The following TEKT5 variants were observed in gnomAD, a reference collection of about 807,000 sequenced individuals.
TEKT5 encodes tektin 5.
In TEKT5, 52 loss-of-function variants were observed where a neutral mutation model predicts 48.7. That is an observed-to-expected ratio of 1.07 (90% confidence interval 0.86 to 1.35). TEKT5 has a LOEUF of 1.35. Ranked by LOEUF, TEKT5 falls within the 40% of genes most tolerant of loss-of-function variation. TEKT5 has a pLI of 0.00. For synonymous variants in TEKT5, 318 were observed against 267.6 expected, an observed-to-expected ratio of 1.19 and a Z score of -1.84; for missense variants, 831 against 641.6, an observed-to-expected ratio of 1.30 and a Z score of -3.19.
intron 6 of TEKT5, among the ~76,000 whole-genome samples, chr16:10,629,543 G>A (rs976823556): frequency 2.6e-5 from 4 of 151,610 alleles, no homozygotes; most frequent in African/African-American, 7.3e-5. Flanking sequence ...GAGCCACCAC[G>A]CCTGGCCCTA....
At chr16:10,660,952 T>C (rs1898360464) in intron 5 of TEKT5, among the ~76,000 whole-genome samples, 1 of 152,078 alleles carries the variant, frequency 6.6e-6, no homozygotes, top group Non-Finnish European at 1.5e-5. Context: ...CTGCCCACCC[T>C]GGCCTCCCAA....
chr16:10,691,602 T>G (rs9935808), intron 1 of TEKT5, among the ~76,000 whole-genome samples: 20,121 of 151,868 alleles, frequency 0.13, 1,462 homozygotes, highest in African/African-American at 0.19. Flanking sequence ...TCTAGAGCAA[T>G]AGCGGGGACA....
At chr16:10,663,869 A>G (rs1361830953) in intron 5 of TEKT5, among the ~76,000 whole-genome samples, 1 of 152,226 alleles carries the variant, frequency 6.6e-6, no homozygotes, top group African/African-American at 2.4e-5. Context: ...ATAAATGTTG[A>G]GCAGGTCCTG....
rs779429901 is a variant in TEKT5, at chr16:10,694,717, T to C, written c.157A>G (p.Ser53Gly). The change falls in exon 1 of 7, where the codon AGC (serine) becomes GGC (glycine). Residue 53 changes from serine (S) to glycine (G), a missense_variant. Physicochemically the swap from Ser to Gly is moderately conservative, Grantham distance 56. Transcript: ENST00000283025. Reference protein sequence around the residue: ...GYRYLNSWRPSLFYKIANVQT... With the variant: ...GYRYLNSWRPGLFYKIANVQT... ...ACGTTGGCTATCTTGTAGAAGAGGC[T>C]AGGCCTCCATGAATTGAGGTAGCGG... 3 of 1,614,020 alleles carry C rather than the reference T, an allele frequency of 1.9e-6. No individual in the cohort carries two copies. Among genetic ancestry groups the C allele is most frequent in the East Asian group, 2.2e-5 (1 of 44,880 alleles).
intron 5 of TEKT5, among the ~76,000 whole-genome samples, chr16:10,640,296 C>A (rs970116527): frequency 6.6e-6 from 1 of 152,070 alleles, no homozygotes; most frequent in Admixed American, 6.6e-5. Flanking sequence ...GTGCCTGCCA[C>A]CACACTCAGC....
Position 10,680,806 on chromosome 16 carries a change from C to G in TEKT5, c.863+1187G>C, listed in dbSNP as rs113158636. Among the ~76,000 whole-genome samples the G allele has an allele frequency of 9.5e-4, 122 of 128,640 alleles. 1 individual carries two copies. The highest frequency in any genetic ancestry group is 3.2e-3 in the African/African-American group (108 of 33,864). The allele number at this position is 128,640 out of a possible 152,430, so 84.4% of individuals were successfully genotyped here. A position where few individuals can be genotyped will look rare whatever the true frequency, so the allele number is the denominator to read the frequency against. ...TTCTCACTCATAGGTGGGAACTGAA[C>G]AATGAGAACACATGGACACAGGAAG... On this transcript the variant is annotated intron_variant, in intron 4 of 6. Coordinates refer to ENST00000283025, the MANE Select transcript of TEKT5 (RefSeq NM_144674.2).
chr16:10,659,886 G>A (rs1419085042), intron 5 of TEKT5, among the ~76,000 whole-genome samples: 4 of 152,076 alleles, frequency 2.6e-5, no homozygotes, highest in Non-Finnish European at 4.4e-5. Flanking sequence ...GGTGGTGGTT[G>A]TACAATATTA....
chr16:10,681,370 A>ACTCTCTCTCTCTCTCCCTCTCTCTCT (rs1458051750), intron 4 of TEKT5, among the ~76,000 whole-genome samples: 1 of 147,950 alleles, frequency 6.8e-6, no homozygotes, highest in African/African-American at 2.5e-5. Context: ...TCCAGATTCC[A>ACTCTCTCTCTCTCTCCCTCTCTCTCT]CTCTCTGTCT....
At chr16:10,665,880 G>A (rs1336267976) in intron 5 of TEKT5, among the ~76,000 whole-genome samples, 1 of 152,170 alleles carries the variant, frequency 6.6e-6, no homozygotes, top group African/African-American at 2.4e-5. Flanking sequence ...TGAGATAGCT[G>A]GAAACCCACA....
chr16:10,688,990 A>C (rs1199134319), intron 3 of TEKT5, among the ~76,000 whole-genome samples: 1 of 152,218 alleles, frequency 6.6e-6, no homozygotes, highest in Non-Finnish European at 1.5e-5. Flanking sequence ...TGTGAGAGTC[A>C]GTTGTACACA....
intron 5 of TEKT5, among the ~76,000 whole-genome samples, chr16:10,662,434 T>C (rs552433986): frequency 4.6e-5 from 7 of 152,220 alleles, no homozygotes; most frequent in African/African-American, 1.4e-4. Context: ...CGGCCCCAGG[T>C]TGGGGAGAAC....
chr16:10,628,579 C>A (rs1284524028), intron 6 of TEKT5, among the ~76,000 whole-genome samples: 1 of 152,150 alleles, frequency 6.6e-6, no homozygotes, highest in Non-Finnish European at 1.5e-5. Flanking sequence ...AATCGAGCCA[C>A]AGAATGGGAG....
At chr16:10,654,938 T>TCCCCCCCCCCCCC (rs1898233423) in intron 5 of TEKT5, among the ~76,000 whole-genome samples, 1 of 46,306 alleles carries the variant, frequency 2.2e-5, no homozygotes, top group Non-Finnish European at 4.1e-5. Context: ...CCCCCTCCCC[T>TCCCCCCCCCCCCC]CCCCCACCCC....
At chr16:10,693,692 G>A (rs991432695) in intron 1 of TEKT5, among the ~76,000 whole-genome samples, 9 of 152,172 alleles carry the variant, frequency 5.9e-5, no homozygotes, top group African/African-American at 1.4e-4. Flanking sequence ...GAAAAATAAG[G>A]CAGTTATGGG....
intron 6 of TEKT5, 37 bp downstream of exon 6, chr16:10,635,727 A>AG (rs1376773272): frequency 6.3e-7 from 1 of 1,593,510 alleles, no homozygotes; most frequent in Non-Finnish European, 8.6e-7. Context: ...CTGGATTCCC[A>AG]GGGGTTCTCC....
chr16:10,656,091 G>A lies in TEKT5; in HGVS notation c.1086+19868C>T, dbSNP rs573347789. Among the ~76,000 whole-genome samples the A allele has an allele frequency of 2.0e-4, 30 of 152,214 alleles. 2 individuals are homozygous for A. The South Asian group carries it at 5.4e-3, about 27-fold the overall frequency. On this transcript the variant is annotated intron_variant, in intron 5 of 6. Transcript: ENST00000283025. Reference sequence around the variant, plus strand: ...TAAAATTTGTGGAGGAGACCGTCCTGTGCATTGAAGGATGTTTAGTTAGCA... The same window carrying A: ...TAAAATTTGTGGAGGAGACCGTCCTATGCATTGAAGGATGTTTAGTTAGCA...
chr16:10,690,760 T>C (rs1898958028), intron 1 of TEKT5: 1 of 985,264 alleles, frequency 1.0e-6, no homozygotes, highest in Non-Finnish European at 1.2e-6. Flanking sequence ...TCAGGGGCGC[T>C]CTATGATGGG....
chr16:10,685,134 G>A (rs980143905), intron 3 of TEKT5, among the ~76,000 whole-genome samples: 14 of 152,144 alleles, frequency 9.2e-5, no homozygotes, highest in East Asian at 7.7e-4. Context: ...GCCTCCATCC[G>A]GCGTGGCTCG....
At chr16:10,633,217 C>T (rs912631454) in intron 6 of TEKT5, among the ~76,000 whole-genome samples, 4 of 152,130 alleles carry the variant, frequency 2.6e-5, no homozygotes, top group African/African-American at 4.8e-5. Context: ...AAAAATTAGC[C>T]GAGCATGGTG....
Sources: allele counts gnomAD v4.1 joint callset (sites outside exome capture counted in the v4.1 genomes callset), GRCh38; gene constraint gnomAD v4.1.1; transcripts MANE v1.5; gene names NCBI Gene and HGNC (gene_info 2026-07-23, HGNC 2026-07-21).